The following MCC variants were observed in gnomAD, a reference collection of about 807,000 sequenced individuals.
MCC encodes MCC regulator of Wnt signaling pathway.
MCC carries 90 observed loss-of-function variants against 116.2 expected under a neutral mutation model. That is an observed-to-expected ratio of 0.77 (90% CI 0.65 to 0.92). The LOEUF (loss-of-function observed/expected upper bound fraction) is 0.92, where lower values mean the gene tolerates loss of function less well. Among genes scored for constraint, MCC ranks in the 40% least tolerant of loss-of-function variants. MCC has a pLI of 0.00. For missense variants in MCC, 1,516 were observed against 1,312.2 expected (o/e 1.16, Z -2.40); for synonymous variants, 578 against 510.5 (o/e 1.13, Z -1.78).
intron 3 of MCC, among the ~76,000 whole-genome samples, chr5:113,165,114 C>CA (rs1242868541): frequency 2.0e-5 from 3 of 152,320 alleles, no homozygotes; most frequent in African/African-American, 7.2e-5. Context: ...ATCCCTTTGC[C>CA]AAATCAAAGA....
At chr5:113,030,861 G>T (rs1266995974) in intron 17 of MCC, among the ~76,000 whole-genome samples, 2 of 152,178 alleles carry the variant, frequency 1.3e-5, no homozygotes, top group Non-Finnish European at 2.9e-5. Context: ...CCTGAAGGGG[G>T]TTGATGGGAG....
chr5:113,027,224 A>G lies in MCC; in HGVS notation c.*78T>C. 1 of 1,470,806 alleles carries G rather than the reference A, an allele frequency of 6.8e-7. No homozygotes were observed. 91.1% of individuals were successfully genotyped at this position (1,470,806 alleles called of 1,614,324 possible). A position where few individuals can be genotyped will look rare whatever the true frequency, so the allele number is the denominator to read the frequency against. On this transcript the variant is annotated 3_prime_UTR_variant, in exon 19 of 19. Coordinates refer to ENST00000408903, the MANE Select transcript of MCC (RefSeq NM_001085377.2). ...CTTCCCTTTCCTCCTCCTCCCAACA[A>G]GTACATGGGCCCTTCTGTCCCCAGT...
chr5:113,104,493 T>C, intron 6 of MCC, 138 bp from the exon 7 acceptor site: 3 of 622,554 alleles, frequency 4.8e-6, no homozygotes. Flanking sequence ...CAGCCTAACC[T>C]CACAGGCACT....
chr5:113,303,487 CTG>C (rs1766910623), intron 3 of MCC, among the ~76,000 whole-genome samples: 1 of 152,078 alleles, frequency 6.6e-6, no homozygotes, highest in Admixed American at 6.5e-5. Context: ...CAGTGGTAAC[CTG>C]TGTGGGATGC....
chr5:113,070,984 C>CA, intron 12 of MCC, 110 bp downstream of exon 12: 1 of 1,303,698 alleles, frequency 7.7e-7, no homozygotes, highest in South Asian at 1.6e-5. Context: ...TGCCTTGGTC[C>CA]AAACTGCCAG....
At chr5:113,186,449 C>T (rs1041458308) in intron 3 of MCC, among the ~76,000 whole-genome samples, 9 of 152,124 alleles carry the variant, frequency 5.9e-5, no homozygotes, top group African/African-American at 1.7e-4. Context: ...ACTAGAAATG[C>T]GGTCAGCCTC....
chr5:113,109,716 T>A (rs139994237), intron 6 of MCC, among the ~76,000 whole-genome samples: 2 of 152,172 alleles, frequency 1.3e-5, no homozygotes, highest in Non-Finnish European at 2.9e-5. Context: ...TAGGCTGATA[T>A]GAAACAGAAA....
In MCC at chr5:113,099,956, C is replaced by T. The variant is rs144442020; in HGVS notation, c.1398+1783G>A. ...TAATTAGGACATCAGTGATAATCAT[C>T]GGGGAGTGTAACCCAGGAAATTACA... On this transcript the variant is annotated intron_variant, in intron 8 of 18. Transcript: ENST00000408903. Among the ~76,000 whole-genome samples, 37 of 152,294 alleles carry T rather than the reference C, an allele frequency of 2.4e-4. No individual in the cohort carries two copies. The East Asian group carries it at 6.0e-3, about 25-fold the overall frequency.
At chr5:113,261,813 T>C (rs1401864671) in intron 3 of MCC, among the ~76,000 whole-genome samples, 2 of 152,224 alleles carry the variant, frequency 1.3e-5, no homozygotes, top group Non-Finnish European at 2.9e-5. Flanking sequence ...TTTGAGATGC[T>C]GACAGAATGG....
At chr5:113,310,366 C>G (rs1332392016) in intron 3 of MCC, among the ~76,000 whole-genome samples, 1 of 152,206 alleles carries the variant, frequency 6.6e-6, no homozygotes, top group African/African-American at 2.4e-5. Flanking sequence ...GCAGCCCTTA[C>G]CAGCTACCAA....
chr5:113,032,168 T>C (rs553520930), intron 17 of MCC, among the ~76,000 whole-genome samples: 25 of 152,348 alleles, frequency 1.6e-4, no homozygotes, highest in Non-Finnish European at 3.2e-4. Flanking sequence ...CCCAGCACTT[T>C]GGTAGGCCGG....
At chr5:113,203,771 C>A (rs528337457) in intron 3 of MCC, among the ~76,000 whole-genome samples, 2 of 152,122 alleles carry the variant, frequency 1.3e-5, no homozygotes, top group Non-Finnish European at 2.9e-5. Context: ...GGTTAAGATG[C>A]GCTCTAGACA....
At chr5:113,076,717 A>G (rs993866969) in intron 11 of MCC, among the ~76,000 whole-genome samples, 11 of 152,260 alleles carry the variant, frequency 7.2e-5, no homozygotes, top group African/African-American at 2.7e-4. Flanking sequence ...GCCAAATTGT[A>G]AAGACCATCA....
intron 17 of MCC, among the ~76,000 whole-genome samples, chr5:113,040,234 G>A (rs979192037): frequency 6.6e-6 from 1 of 152,012 alleles, no homozygotes; most frequent in South Asian, 2.1e-4. Context: ...GTTAGGAGAA[G>A]ATACACTGAG....
chr5:113,056,231 G>A (rs565520519), intron 14 of MCC, among the ~76,000 whole-genome samples: 5 of 152,184 alleles, frequency 3.3e-5, no homozygotes, highest in South Asian at 2.1e-4. Context: ...CTAAAATGAA[G>A]GTAATCATAG....
chr5:113,243,552 G>C (rs1168197736), intron 3 of MCC, among the ~76,000 whole-genome samples: 5 of 152,222 alleles, frequency 3.3e-5, no homozygotes, highest in African/African-American at 1.2e-4. Context: ...CATAATCTGA[G>C]CCATGGGCCT....
At chr5:113,155,443 T>A (rs1266828834) in intron 3 of MCC, among the ~76,000 whole-genome samples, 3 of 152,170 alleles carry the variant, frequency 2.0e-5, no homozygotes, top group Non-Finnish European at 4.4e-5. Flanking sequence ...TTTTAAGGGT[T>A]TTTTTAGGAA....
intron 3 of MCC, among the ~76,000 whole-genome samples, chr5:113,188,921 A>G (rs1561441045): frequency 6.6e-6 from 1 of 152,244 alleles, no homozygotes; most frequent in Non-Finnish European, 1.5e-5. Flanking sequence ...ATTAGCTAAC[A>G]TAAATGAGAA....
chr5:113,061,699 G>A (rs933061100), intron 14 of MCC, among the ~76,000 whole-genome samples: 1 of 152,152 alleles, frequency 6.6e-6, no homozygotes, highest in African/African-American at 2.4e-5. Flanking sequence ...TGCCAGAAAT[G>A]CCGCTGGAGG....
Sources: allele counts gnomAD v4.1 joint callset (sites outside exome capture counted in the v4.1 genomes callset), GRCh38; gene constraint gnomAD v4.1.1; transcripts MANE v1.5; gene names NCBI Gene and HGNC (gene_info 2026-07-23, HGNC 2026-07-21).